The following NOC3L variants were observed in gnomAD, a reference collection of about 807,000 sequenced individuals.
NOC3L encodes NOC3 like DNA replication regulator, also known as nucleolar complex protein 3 homolog.
A neutral mutation model predicts 102.5 loss-of-function variants in NOC3L; 85 were observed. That is an observed-to-expected ratio of 0.83 (90% CI 0.70 to 0.99). The LOEUF (loss-of-function observed/expected upper bound fraction) is 0.99, where lower values mean the gene tolerates loss of function less well. Ranked by LOEUF, NOC3L falls within the 50% of genes least tolerant of loss-of-function variation. The probability of loss-of-function intolerance (pLI) is 0.00; values close to 1 mark genes in which losing one functional copy is unlikely to be tolerated. For missense variants in NOC3L, 878 were observed against 914.9 expected, an observed-to-expected ratio of 0.96 and a Z score of 0.52; for synonymous variants, 303 against 309.4, an observed-to-expected ratio of 0.98 and a Z score of 0.22.
the NOC3L span, chr10:94,316,602 A>C: frequency 1.9e-6 from 3 of 1,608,720 alleles, no homozygotes; most frequent in Non-Finnish European, 1.7e-6. Context: ...TTTTTGATGG[A>C]AGAAAAATAT....
At position 94,361,795 on chromosome 10, in the gene NOC3L, T is replaced by C; in HGVS notation, c.87A>G (p.Lys29=). The C allele has an allele frequency of 1.9e-6, 3 of 1,614,004 alleles. No individual in the cohort carries two copies. The highest frequency in any genetic ancestry group is 2.5e-6 in the Non-Finnish European group (3 of 1,179,976). The change falls in exon 2 of 21, where the codon AAA becomes AAG. Residue 29 remains lysine, a synonymous_variant. Coordinates refer to ENST00000371361, the MANE Select transcript of NOC3L (RefSeq NM_022451.11). ...TGCTTTGTTGTTTAAACTGCTTATT[T>C]TTTAGCTTGTTTTCAAGTTTGACTT... ...TSKVKLENKL[K]NKQFKQQSTL...
intron 1 of NOC3L, 176 bp from the exon 2 acceptor site, chr10:94,362,048 A>G: frequency 1.5e-6 from 1 of 666,526 alleles, no homozygotes; most frequent in Non-Finnish European, 2.7e-6. Context: ...GAAGAGCGCT[A>G]CAGCATCAGT....
the NOC3L span, chr10:94,327,907 G>GC: frequency 3.2e-5 from 16 of 497,208 alleles, no homozygotes; most frequent in South Asian, 2.2e-4. Context: ...TTGGTATACC[G>GC]CAAGTGTTTC....
intron 17 of NOC3L, among the ~76,000 whole-genome samples, 182 bp downstream of exon 17, chr10:94,339,557 T>C (rs970156919): frequency 6.6e-5 from 10 of 152,252 alleles, no homozygotes; most frequent in Admixed American, 2.0e-4. Flanking sequence ...CACTGAGAAG[T>C]GTCAATAGGT....
chr10:94,322,785 A>G, the NOC3L span, among the ~76,000 whole-genome samples: 2 of 134,292 alleles, frequency 1.5e-5, no homozygotes, highest in African/African-American at 2.8e-5. Context: ...AACTTCGTCT[A>G]AAAAAAAAAA....
At position 94,350,299 on chromosome 10, in the gene NOC3L, G is replaced by T; in HGVS notation, c.953-11C>A. The T allele has an allele frequency of 1.2e-6, 2 of 1,612,324 alleles. No homozygotes were observed. The highest frequency in any genetic ancestry group is 1.7e-6 in the Non-Finnish European group (2 of 1,178,594). Reference sequence around the variant, plus strand: ...TCCTCTGCTTCCAATCTAATCAAAAGATAACTGTAGTTACTTTACTCATTG... The same window carrying T: ...TCCTCTGCTTCCAATCTAATCAAAATATAACTGTAGTTACTTTACTCATTG... On this transcript the variant is annotated splice_polypyrimidine_tract_variant and intron_variant, in intron 8 of 20. Transcript: ENST00000371361.
At chr10:94,327,035 G>A in the NOC3L span, among the ~76,000 whole-genome samples, 1,893 of 152,120 alleles carry the variant, frequency 0.012, 45 homozygotes, top group African/African-American at 0.042. Context: ...GGTGGTGTGC[G>A]CAGGTAGTCC....
chr10:94,323,847 T>C, the NOC3L span, among the ~76,000 whole-genome samples: 1 of 152,218 alleles, frequency 6.6e-6, no homozygotes, highest in Non-Finnish European at 1.5e-5. Flanking sequence ...AACAAATGCA[T>C]CAATGAAAGA....
intron 9 of NOC3L, 65 bp downstream of exon 9, chr10:94,350,048 G>A (rs1006587683): frequency 3.6e-5 from 54 of 1,509,040 alleles, no homozygotes; most frequent in African/African-American, 6.9e-5. Context: ...GTGAGCCACC[G>A]TGCCTGGCCC....
At chr10:94,320,081 T>G in the NOC3L span, among the ~76,000 whole-genome samples, 1 of 152,120 alleles carries the variant, frequency 6.6e-6, no homozygotes, top group East Asian at 1.9e-4. Context: ...TCTTGCCTCC[T>G]GGTTTGGGGG....
chr10:94,357,697 T>C (rs760898500), intron 3 of NOC3L: 3 of 233,244 alleles, frequency 1.3e-5, no homozygotes, highest in African/African-American at 4.6e-5. Flanking sequence ...GGTCCAACTT[T>C]AAATTCCAGA....
chr10:94,342,768 T>G (rs1379543404), intron 13 of NOC3L, among the ~76,000 whole-genome samples: 1 of 145,014 alleles, frequency 6.9e-6, no homozygotes, highest in African/African-American at 2.5e-5. Context: ...ACACTAAACA[T>G]AGCATGATTC....
chr10:94,357,107 G>GA (rs1036923988), intron 4 of NOC3L, 67 bp downstream of exon 4: 4,724 of 1,141,232 alleles, frequency 4.1e-3, no homozygotes, highest in South Asian at 5.3e-3. Context: ...AATTTTGAGT[G>GA]AAAAAAAAAC....
At position 94,355,045 on chromosome 10, in the gene NOC3L, A is replaced by G. The variant is rs1339533112; in HGVS notation, c.614T>C (p.Ile205Thr). 1.9e-6 allele frequency: 3 copies of G among 1,612,764 alleles called. No homozygotes were observed. In the South Asian group the frequency reaches 3.3e-5, roughly 18 times the overall value. ...IQELTIEEHL[I>T]ERKKKLQEKK... ...CTCCTGTAATTTCTTCTTTCTCTCA[A>G]TCAAATGTTCTTCTATGGTCAGCTC... Residue 205 changes from isoleucine (I) to threonine (T), a missense_variant, in exon 6 of 21, where the codon ATT becomes ACT. By Grantham distance (89) the Ile-to-Thr change is moderately conservative. Coordinates refer to ENST00000371361, the MANE Select transcript of NOC3L (RefSeq NM_022451.11).
At chr10:94,360,371 T>C (rs1341211514) in intron 2 of NOC3L, among the ~76,000 whole-genome samples, 1 of 152,134 alleles carries the variant, frequency 6.6e-6, no homozygotes, top group Admixed American at 6.5e-5. Context: ...CACAATGTAG[T>C]ATTATTCAGC....
rs540149612 is a variant in NOC3L, at chr10:94,356,528, A to C, written c.565+7T>G. The C allele has an allele frequency of 6.5e-7, 1 of 1,544,432 alleles. No homozygotes were observed. The highest frequency in any genetic ancestry group is 8.9e-7 in the Non-Finnish European group (1 of 1,118,702). On this transcript the variant is annotated splice_region_variant and intron_variant, in intron 5 of 20. Transcript: ENST00000371361. ...TTAACAATTTAGTAACTGTAAAGAC[A>C]TATTACCTTCCTCAAGTTCCCTCTC... is the stretch of plus-strand genomic sequence containing the variant.
chr10:94,340,776 T>C (rs2054273996), intron 14 of NOC3L, among the ~76,000 whole-genome samples: 1 of 151,604 alleles, frequency 6.6e-6, no homozygotes, highest in Non-Finnish European at 1.5e-5. Flanking sequence ...GGTCAGGAGA[T>C]CAAGACCATC....
intron 2 of NOC3L, among the ~76,000 whole-genome samples, chr10:94,360,724 G>A (rs985862415): frequency 1.2e-4 from 18 of 152,048 alleles, no homozygotes; most frequent in Admixed American, 1.2e-3. Flanking sequence ...GTAACACAAA[G>A]ATAAATGCTT....
At chr10:94,345,263 C>T (rs1038932428) in intron 11 of NOC3L, among the ~76,000 whole-genome samples, 6 of 151,372 alleles carry the variant, frequency 4.0e-5, no homozygotes, top group Non-Finnish European at 7.4e-5. Flanking sequence ...CTGGGATATG[C>T]TATCATTTTC....
Sources: allele counts gnomAD v4.1 joint callset (sites outside exome capture counted in the v4.1 genomes callset), GRCh38; gene constraint gnomAD v4.1.1; transcripts MANE v1.5; gene names NCBI Gene and HGNC (gene_info 2026-07-23, HGNC 2026-07-21).